Variants in ADAM12 observed in about 807,000 individuals in gnomAD.
The protein encoded by ADAM12 is ADAM metallopeptidase domain 12, also known as disintegrin and metalloproteinase domain-containing protein 12.
Under a neutral mutation model 106.4 loss-of-function variants are expected in ADAM12, and 70 were observed. That is an observed-to-expected ratio of 0.66 (90% CI 0.54 to 0.80). The LOEUF is 0.80. ADAM12 is among the 30% of genes least tolerant of loss of function. ADAM12 has a pLI of 0.00. For synonymous variants in ADAM12, 420 were observed against 433.5 expected, an observed-to-expected ratio of 0.97 and a Z score of 0.39; for missense variants, 1,010 against 1,171.9, an observed-to-expected ratio of 0.86 and a Z score of 2.02.
intron 1 of ADAM12, among the ~76,000 whole-genome samples, chr10:126,352,301 T>C (rs1290081569): frequency 3.3e-5 from 5 of 152,238 alleles, no homozygotes; most frequent in Non-Finnish European, 7.3e-5. Flanking sequence ...TAACATTGTT[T>C]TGTTTTCCTT....
intron 5 of ADAM12, among the ~76,000 whole-genome samples, chr10:126,133,790 C>G (rs1488719251): frequency 6.6e-6 from 1 of 152,232 alleles, no homozygotes; most frequent in African/African-American, 2.4e-5. Flanking sequence ...CCTCGCTGCT[C>G]TGGGAATATC....
At chr10:126,213,032 C>T (rs984396188) in intron 3 of ADAM12, among the ~76,000 whole-genome samples, 24 of 152,078 alleles carry the variant, frequency 1.6e-4, no homozygotes, top group African/African-American at 5.3e-4. Flanking sequence ...CCCCACCCTT[C>T]GAAGCCTTCC....
chr10:126,037,315 TTTC>T (rs1258429753), intron 20 of ADAM12, among the ~76,000 whole-genome samples: 3 of 150,614 alleles, frequency 2.0e-5, no homozygotes, highest in Non-Finnish European at 3.0e-5. Flanking sequence ...GAGCTGCATT[TTTC>T]TTTTTTACGA....
At chr10:126,227,567 G>C (rs77286355) in intron 3 of ADAM12, among the ~76,000 whole-genome samples, 22,529 of 151,990 alleles carry the variant, frequency 0.15, 1,834 homozygotes, top group East Asian at 0.24. Flanking sequence ...TTCTCAGTCC[G>C]CACCAGACCC....
intron 3 of ADAM12, among the ~76,000 whole-genome samples, chr10:126,254,875 C>T (rs1303393770): frequency 2.0e-5 from 3 of 152,312 alleles, no homozygotes; most frequent in South Asian, 2.1e-4. Flanking sequence ...ACCATTAAAA[C>T]GTCATCTCTC....
intron 3 of ADAM12, among the ~76,000 whole-genome samples, chr10:126,168,321 AG>A (rs5788772): frequency 0.098 from 14,852 of 152,202 alleles, 2,077 homozygotes; most frequent in African/African-American, 0.31. Context: ...CAACAGTGGA[AG>A]AACAAATCTC....
chr10:126,187,548 C>T (rs1039290794), intron 3 of ADAM12, among the ~76,000 whole-genome samples: 1 of 152,106 alleles, frequency 6.6e-6, no homozygotes, highest in African/African-American at 2.4e-5. Context: ...GAGCCCAGGT[C>T]GGTGTTGTGG....
chr10:126,188,691 C>A (rs1957443260), intron 3 of ADAM12, among the ~76,000 whole-genome samples: 1 of 151,982 alleles, frequency 6.6e-6, no homozygotes. Flanking sequence ...CCCTTTAATC[C>A]CCTCATCTTA....
intron 1 of ADAM12, among the ~76,000 whole-genome samples, chr10:126,358,172 G>A (rs533113284): frequency 4.7e-4 from 44 of 93,516 alleles, no homozygotes; most frequent in African/African-American, 1.5e-3. Flanking sequence ...GTGAGACTCC[G>A]TCTCAAAAAA....
At chr10:126,253,890 C>T (rs972867612) in intron 3 of ADAM12, among the ~76,000 whole-genome samples, 3 of 152,234 alleles carry the variant, frequency 2.0e-5, no homozygotes, top group Admixed American at 6.5e-5. Flanking sequence ...TTTCTCTTCA[C>T]TGGCAGGCCT....
intron 3 of ADAM12, among the ~76,000 whole-genome samples, chr10:126,224,751 A>C (rs1958159805): frequency 6.6e-6 from 1 of 152,180 alleles, no homozygotes; most frequent in Non-Finnish European, 1.5e-5. Flanking sequence ...TCACGATGTC[A>C]GGTCAAACGT....
intron 2 of ADAM12, among the ~76,000 whole-genome samples, chr10:126,320,524 C>T (rs1374547066): frequency 1.3e-5 from 2 of 152,194 alleles, no homozygotes; most frequent in African/African-American, 2.4e-5. Flanking sequence ...ATCTTCATCA[C>T]TATCACAACT....
At chr10:126,104,716 G>A (rs908907881) in intron 8 of ADAM12, among the ~76,000 whole-genome samples, 9 of 152,090 alleles carry the variant, frequency 5.9e-5, no homozygotes, top group African/African-American at 2.2e-4. Context: ...CATGCCTTCT[G>A]TGTTTTGCTC....
At chr10:126,181,233 A>G (rs1358345621) in intron 3 of ADAM12, among the ~76,000 whole-genome samples, 1 of 152,020 alleles carries the variant, frequency 6.6e-6, no homozygotes, top group Non-Finnish European at 1.5e-5. Context: ...CACCATGCTC[A>G]GCTAATTTTT....
chr10:126,366,008 A>G (rs1033973693), intron 1 of ADAM12, among the ~76,000 whole-genome samples: 3 of 152,228 alleles, frequency 2.0e-5, no homozygotes, highest in African/African-American at 7.2e-5. Context: ...AGAATATTAT[A>G]CGAGGTTTAG....
In ADAM12 at chr10:126,388,118, G is replaced by T; in HGVS notation, c.28C>A (p.Pro10Thr). 8.2e-7 allele frequency: 1 copy of T among 1,224,396 alleles called. No homozygotes were observed. Among genetic ancestry groups the T allele is most frequent in the Non-Finnish European group, 1.0e-6 (1 of 982,728 alleles). 75.8% of individuals were successfully genotyped at this position (1,224,396 alleles called of 1,614,324 possible). Residue 10 changes from proline to threonine, a missense_variant, in exon 1 of 23, where the codon CCC (proline) becomes ACC (threonine). Pro to Thr is a conservative substitution (Grantham distance 38). Transcript: ENST00000448723. The surrounding 1 kb of genome is among the most constrained non-coding windows in gnomAD (Gnocchi z 4.4). ...AGGGCGAGCAGGAGGGCGCGGGCGGGGGACACGGGCAGCGGGCGCGCTGCC... is the reference window on the plus strand; with the variant it reads ...AGGGCGAGCAGGAGGGCGCGGGCGGTGGACACGGGCAGCGGGCGCGCTGCC... MAARPLPVS[P>T]ARALLLALAG... is the part of the protein sequence containing the mutation.
chr10:126,332,220 C>A (rs1854544748), intron 1 of ADAM12, among the ~76,000 whole-genome samples: 2 of 152,170 alleles, frequency 1.3e-5, no homozygotes, highest in Admixed American at 6.5e-5. Context: ...GCCTTCTATT[C>A]AAAAAGCCCA....
chr10:126,046,370 A>G (rs888753081), intron 16 of ADAM12, among the ~76,000 whole-genome samples: 1 of 152,184 alleles, frequency 6.6e-6, no homozygotes, highest in Non-Finnish European at 1.5e-5. Flanking sequence ...TGTCAACACT[A>G]TTAAATTATT....
chr10:126,220,179 A>T (rs1332521680), intron 3 of ADAM12, among the ~76,000 whole-genome samples: 1 of 152,196 alleles, frequency 6.6e-6, no homozygotes, highest in Non-Finnish European at 1.5e-5. Flanking sequence ...TGGCAATGTG[A>T]AACGTGACTA....
Sources: gnomAD v4.1 joint callset for allele counts (sites outside exome capture counted in the v4.1 genomes callset) on GRCh38, gnomAD v4.1.1 for gene constraint, Gnocchi (gnomAD v3.1) non-coding constraint, MANE v1.5 for transcripts, NCBI Gene and HGNC (gene_info 2026-07-23, HGNC 2026-07-21) for gene names.